Variants in ADGRF1 observed in about 807,000 individuals in gnomAD.
ADGRF1 encodes the protein G protein-coupled receptor 110.
In ADGRF1, 85 loss-of-function variants were observed where a neutral mutation model predicts 87.2. The ratio of observed to expected loss-of-function variants is 0.97; its 90% CI spans 0.82 to 1.17. The LOEUF (loss-of-function observed/expected upper bound fraction) is 1.17. ADGRF1 is among the 50% of genes most tolerant of loss of function. The pLI, the probability that ADGRF1 is intolerant of heterozygous loss-of-function variation, is 0.00. For synonymous variants in ADGRF1, 430 were observed against 408.8 expected (o/e 1.05, Z -0.63); for missense variants, 1,169 against 1,077.2 (o/e 1.09, Z -1.19).
intron 9 of ADGRF1, chr6:47,014,470 C>G (rs896832955): frequency 7.7e-7 from 1 of 1,296,764 alleles, no homozygotes; most frequent in Non-Finnish European, 9.8e-7. Flanking sequence ...TCAACTCTGT[C>G]TTTTGAGCTG....
intron 1 of ADGRF1, among the ~76,000 whole-genome samples, chr6:47,033,406 T>C (rs966145539): frequency 3.3e-5 from 5 of 152,234 alleles, no homozygotes; most frequent in Admixed American, 1.3e-4. Flanking sequence ...AACAGCTGTC[T>C]CCTTATCAAC....
Position 47,025,947 on chromosome 6 carries a change from T to C in ADGRF1, c.184A>G (p.Lys62Glu). 1.2e-6 allele frequency: 2 copies of C among 1,612,010 alleles called. No homozygotes were observed. The highest frequency in any genetic ancestry group is 1.7e-6 in the Non-Finnish European group (2 of 1,179,436). ...LQVTYRDSKEKRDLRNFLKLL... is the reference protein window; with the variant it reads ...LQVTYRDSKEERDLRNFLKLL... ...TTCAGAAAATTTCTCAAATCTCTTT[T>C]CTCCTTGGAATCTCTATAGGTCACC... Residue 62 changes from lysine (K) to glutamate (E), a missense_variant, in exon 4 of 15, where the codon AAA (lysine) becomes GAA (glutamate). Coordinates refer to ENST00000371253, the MANE Select transcript of ADGRF1 (RefSeq NM_153840.4).
Position 46,999,860 on chromosome 6 carries a change from T to G in ADGRF1, c.*362A>C, listed in dbSNP as rs1779312656. 1.3e-5 allele frequency: 2 copies of G among 159,572 alleles called. No homozygotes were observed. The highest frequency in any genetic ancestry group is 1.3e-4 in the Admixed American group (2 of 15,680). The allele number at this position is 159,572 out of a possible 1,614,324, so 9.9% of individuals were successfully genotyped here. ...TGGCCTATTAATTTATCTAAAGCTA[T>G]TTCATAAAATTTTCTTCCTTCAATC... On this transcript the variant is annotated 3_prime_UTR_variant, in exon 15 of 15. Coordinates refer to ENST00000371253, the MANE Select transcript of ADGRF1 (RefSeq NM_153840.4).
chr6:47,016,759 G>A lies in ADGRF1; in HGVS notation c.621C>T (p.Ser207=). 2 of 1,585,598 alleles carry A rather than the reference G, an allele frequency of 1.3e-6. No homozygotes were observed. The highest frequency in any genetic ancestry group is 1.7e-6 in the Non-Finnish European group (2 of 1,161,126). The stretch of plus-strand genomic sequence containing the variant: ...CAACAACTTCATACCCAGCAACGAT[G>A]CTTCCATTTCTGCAGTGATTATGGG... ...SVQVTQFRNG[S]IVAGYEVVGS... is the part of the protein sequence containing the mutation. The change falls in exon 8 of 15, where the codon AGC becomes AGT. Residue 207 remains serine, a synonymous_variant. Transcript: ENST00000371253.
chr6:47,016,122 A>T (rs1469119243), intron 8 of ADGRF1, among the ~76,000 whole-genome samples: 11 of 152,224 alleles, frequency 7.2e-5, no homozygotes, highest in Admixed American at 7.2e-4. Flanking sequence ...TTTATAGAAT[A>T]AATGTTGTTG....
chr6:47,016,184 G>C (rs1020640170), intron 8 of ADGRF1, among the ~76,000 whole-genome samples: 1 of 152,096 alleles, frequency 6.6e-6, no homozygotes, highest in Non-Finnish European at 1.5e-5. Flanking sequence ...GAATGTAAAA[G>C]AAAAAGATAA....
chr6:47,018,467 A>T (rs960241565), intron 7 of ADGRF1: 19 of 1,289,770 alleles, frequency 1.5e-5, no homozygotes, highest in Non-Finnish European at 1.9e-5. Flanking sequence ...TTGCTTAATG[A>T]TGGTCACAAT....
At chr6:47,004,152 G>T (rs951540015) in intron 13 of ADGRF1, among the ~76,000 whole-genome samples, 1 of 152,052 alleles carries the variant, frequency 6.6e-6, no homozygotes, top group Admixed American at 6.6e-5. Context: ...CTGGGTCCAC[G>T]TCTGGTTACC....
chr6:47,015,044 C>T (rs909571671), intron 8 of ADGRF1, among the ~76,000 whole-genome samples, 200 bp from the exon 9 acceptor site: 2 of 152,240 alleles, frequency 1.3e-5, no homozygotes, highest in Admixed American at 6.5e-5. Flanking sequence ...GATGCCTTAC[C>T]CTCCCTGAGG....
chr6:47,001,679 T>C (rs756585175), intron 13 of ADGRF1, 112 bp from the exon 14 acceptor site: 30 of 781,818 alleles, frequency 3.8e-5, no homozygotes, highest in Non-Finnish European at 6.2e-5. Context: ...TTTTCATAGG[T>C]GCTATTCTCT....
In ADGRF1 at chr6:47,012,512, A is replaced by G. The variant is rs559600103; in HGVS notation, c.928-317T>C. The G allele has an allele frequency of 1.7e-5, 10 of 575,658 alleles. No homozygotes were observed. In the South Asian group the frequency reaches 7.4e-4, roughly 43 times the overall value. The allele number at this position is 575,658 out of a possible 1,614,324, so 35.7% of individuals were successfully genotyped here. A position where few individuals can be genotyped will look rare whatever the true frequency, so the allele number is the denominator to read the frequency against. On this transcript the variant is annotated intron_variant, in intron 9 of 14. Transcript: ENST00000371253. ...TTATTTTCATTTTATAGCTAAGGAA[A>G]CTGAAACTTGCAAAGATTTACTAAA... is the stretch of plus-strand genomic sequence containing the variant.
chr6:47,018,346 A>T (rs1412737244), intron 7 of ADGRF1: 1 of 1,226,634 alleles, frequency 8.2e-7, no homozygotes, highest in Non-Finnish European at 1.0e-6. Flanking sequence ...AGGCCCAATG[A>T]GAAGTTGGGT....
intron 1 of ADGRF1, among the ~76,000 whole-genome samples, chr6:47,034,244 A>T (rs1251546186): frequency 6.6e-6 from 1 of 152,186 alleles, no homozygotes; most frequent in Non-Finnish European, 1.5e-5. Context: ...CCCATTCCCC[A>T]CATTCTATTT....
In ADGRF1 at chr6:47,009,348, T is replaced by C; in HGVS notation, c.2087A>G (p.His696Arg). The C allele has an allele frequency of 6.2e-7, 1 of 1,614,154 alleles. No homozygotes were observed. The highest frequency in any genetic ancestry group is 1.3e-5 in the African/African-American group (1 of 75,058). Residue 696 changes from histidine to arginine, a missense_variant, in exon 11 of 15, where the codon CAT (histidine) becomes CGT (arginine). His to Arg is a conservative substitution (Grantham distance 29). Coordinates refer to ENST00000371253, the MANE Select transcript of ADGRF1 (RefSeq NM_153840.4). ...GCAAAATCCAACAGCCATCATCAAA[T>C]GCTGGGCCATGTGATGGAACACGAG... ...IILVFHHMAQ[H>R]LMMAVGFCLG...
chr6:47,007,164 C>T (rs1779556457), intron 12 of ADGRF1, 89 bp downstream of exon 12: 3 of 723,438 alleles, frequency 4.1e-6, no homozygotes, highest in East Asian at 2.7e-5. Flanking sequence ...AGTCCCACCT[C>T]TTATTATATG....
rs1349204166 is a variant in ADGRF1 at position 47,014,849 on chromosome 6, A to G, written c.764-5T>C. On this transcript the variant is annotated splice_polypyrimidine_tract_variant and splice_region_variant and intron_variant, in intron 8 of 14. Coordinates refer to ENST00000371253, the MANE Select transcript of ADGRF1 (RefSeq NM_153840.4). ...AGACAATGTCATTACACTGGGCTGG[A>G]AACAAAAGAAAACAACAAAGAAAAA... 1.3e-6 allele frequency: 2 copies of G among 1,587,106 alleles called. No homozygotes were observed. Among genetic ancestry groups the G allele is most frequent in the Non-Finnish European group, 1.7e-6 (2 of 1,164,754 alleles).
intron 14 of ADGRF1, 101 bp from the exon 15 acceptor site, chr6:47,000,396 C>G: frequency 6.0e-6 from 5 of 838,188 alleles, no homozygotes; most frequent in Non-Finnish European, 9.4e-6. Context: ...CAACTAGGAA[C>G]AGTTTTTAAA....
chr6:47,014,342 T>C (rs1779797220), intron 9 of ADGRF1: 1 of 1,031,906 alleles, frequency 9.7e-7, no homozygotes, highest in African/African-American at 1.7e-5. Flanking sequence ...TTCACTCTTC[T>C]CTTTAATTCC....
At chr6:47,013,635 G>A in intron 9 of ADGRF1, 1 of 985,378 alleles carries the variant, frequency 1.0e-6, no homozygotes, top group African/African-American at 1.7e-5. Context: ...ACCTTCCTAA[G>A]AGAGCATCAT....
Sources: allele counts gnomAD v4.1 joint callset (sites outside exome capture counted in the v4.1 genomes callset), GRCh38; gene constraint gnomAD v4.1.1; transcripts MANE v1.5; gene names NCBI Gene and HGNC (gene_info 2026-07-23, HGNC 2026-07-21).